The following LRRIQ3 variants were observed in gnomAD, a reference collection of about 807,000 sequenced individuals.
LRRIQ3 encodes the protein leucine rich repeats and IQ motif containing 3, also known as leucine-rich repeat and IQ domain-containing protein 3.
In LRRIQ3, 75 loss-of-function variants were observed where a neutral mutation model predicts 59.3. The ratio of observed to expected loss-of-function variants is 1.26; its 90% CI spans 1.05 to 1.53. The LOEUF is 1.53. Ranked by LOEUF, LRRIQ3 falls within the 40% of genes most tolerant of loss-of-function variation. The pLI is 0.00. For missense variants in LRRIQ3, 831 were observed against 710.0 expected, an observed-to-expected ratio of 1.17 and a Z score of -1.94; for synonymous variants, 250 against 231.3, an observed-to-expected ratio of 1.08 and a Z score of -0.73.
intron 6 of LRRIQ3, among the ~76,000 whole-genome samples, chr1:74,063,517 A>G (rs1191057488): frequency 6.6e-6 from 1 of 151,640 alleles, no homozygotes; most frequent in African/African-American, 2.4e-5. Context: ...TGCATTGTCT[A>G]TTTCTCTCTT....
chr1:74,033,117 G>A (rs936583349), intron 7 of LRRIQ3, among the ~76,000 whole-genome samples: 4 of 151,952 alleles, frequency 2.6e-5, no homozygotes, highest in African/African-American at 9.7e-5. Context: ...GTAGGTAACA[G>A]GAGAAAGAGC....
intron 5 of LRRIQ3, chr1:74,082,260 T>A (rs573719379): frequency 6.6e-6 from 1 of 151,714 alleles, no homozygotes; most frequent in African/African-American, 2.4e-5. Flanking sequence ...ATAGGCTAAA[T>A]TCTTAAGCTC....
chr1:74,169,321 C>T (rs561397778), intron 3 of LRRIQ3, among the ~76,000 whole-genome samples: 2 of 152,080 alleles, frequency 1.3e-5, no homozygotes, highest in South Asian at 4.2e-4. Flanking sequence ...TTCATCTCTC[C>T]GTGAACGTGC....
At position 74,119,366 on chromosome 1, in the gene LRRIQ3, T is replaced by A. The variant is rs1368325508; in HGVS notation, c.708-9813A>T. ...TTCTTCTGTAAGTTGTCTATTCACATCCTTTGTCCATTTTTTTCTGACTCA... is the reference window on the plus strand; with the variant it reads ...TTCTTCTGTAAGTTGTCTATTCACAACCTTTGTCCATTTTTTTCTGACTCA... On this transcript the variant is annotated intron_variant, in intron 4 of 7. Coordinates refer to ENST00000354431, the MANE Select transcript of LRRIQ3 (RefSeq NM_001105659.2). Among the ~76,000 whole-genome samples the A allele has an allele frequency of 2.0e-5, 3 of 152,098 alleles. No homozygotes were observed. The East Asian group carries it at 5.8e-4, about 29-fold the overall frequency.
At chr1:74,086,142 G>A (rs570596339) in intron 5 of LRRIQ3, among the ~76,000 whole-genome samples, 3 of 152,176 alleles carry the variant, frequency 2.0e-5, no homozygotes, top group South Asian at 2.1e-4. Context: ...AACATATAAT[G>A]CTGGTAGTTA....
chr1:74,068,487 G>A (rs1654929044), intron 6 of LRRIQ3, among the ~76,000 whole-genome samples: 1 of 152,018 alleles, frequency 6.6e-6, no homozygotes, highest in South Asian at 2.1e-4. Context: ...ATGGGAAGCT[G>A]GGCAATGCAG....
chr1:74,071,752 T>C (rs1404865914), intron 6 of LRRIQ3, among the ~76,000 whole-genome samples: 1 of 152,172 alleles, frequency 6.6e-6, no homozygotes, highest in Admixed American at 6.6e-5. Flanking sequence ...GACTGGAGCA[T>C]GTTCAAGACT....
rs554203217 is a variant in LRRIQ3 at position 74,176,971 on chromosome 1, C to T, written c.573+5567G>A. 3.9e-5 allele frequency among the ~76,000 whole-genome samples: 6 copies of T among 152,192 alleles called. No homozygotes were observed. In the East Asian group the frequency reaches 7.7e-4, roughly 20 times the overall value. ...CCCCACCCAGACTTTGCTGCATGGG[C>T]GAATGTGAGACCACAGATTTTTCTG... On this transcript the variant is annotated intron_variant, in intron 3 of 7. Coordinates refer to ENST00000354431, the MANE Select transcript of LRRIQ3 (RefSeq NM_001105659.2).
intron 4 of LRRIQ3, among the ~76,000 whole-genome samples, chr1:74,131,266 ACAG>A (rs1647014322): frequency 6.6e-6 from 1 of 152,176 alleles, no homozygotes; most frequent in Non-Finnish European, 1.5e-5. Context: ...CCAGGACCAG[ACAG>A]ATTCACAGCC....
At chr1:74,121,256 T>C (rs149583468) in intron 4 of LRRIQ3, among the ~76,000 whole-genome samples, 164 of 152,312 alleles carry the variant, frequency 1.1e-3, no homozygotes, top group African/African-American at 3.8e-3. Context: ...TTGTATTTGC[T>C]AGATATCATT....
chr1:74,083,010 TTA>T (rs1458612641), intron 5 of LRRIQ3: 12 of 151,830 alleles, frequency 7.9e-5, no homozygotes, highest in African/African-American at 2.9e-4. Flanking sequence ...TGAAGTATAG[TTA>T]TGTTTCTTCT....
chr1:74,100,613 C>G (rs925631825), intron 5 of LRRIQ3, among the ~76,000 whole-genome samples: 1 of 152,186 alleles, frequency 6.6e-6, no homozygotes, highest in Admixed American at 6.5e-5. Flanking sequence ...AATCCTAAGC[C>G]AAAAGAACAA....
At chr1:74,135,091 G>T (rs749539822) in intron 4 of LRRIQ3, among the ~76,000 whole-genome samples, 3 of 151,866 alleles carry the variant, frequency 2.0e-5, no homozygotes, top group African/African-American at 7.2e-5. Flanking sequence ...ACTATAAGAA[G>T]CTGGAGTGGG....
chr1:74,060,118 C>G (rs896511675), intron 6 of LRRIQ3, among the ~76,000 whole-genome samples: 1 of 151,708 alleles, frequency 6.6e-6, no homozygotes, highest in Non-Finnish European at 1.5e-5. Context: ...GTGGTAATGT[C>G]CCCTGTTTCA....
At chr1:74,071,216 A>G (rs554150929) in intron 6 of LRRIQ3, among the ~76,000 whole-genome samples, 92 of 152,126 alleles carry the variant, frequency 6.0e-4, no homozygotes, top group African/African-American at 2.0e-3. Context: ...TGTGTCACTC[A>G]GGCTAAAGTG....
intron 5 of LRRIQ3, among the ~76,000 whole-genome samples, chr1:74,079,943 A>C (rs568209410): frequency 6.6e-6 from 1 of 151,796 alleles, no homozygotes; most frequent in South Asian, 2.1e-4. Flanking sequence ...TGTTACTCCA[A>C]AGCTTCTCAC....
chr1:74,032,824 G>A (rs1653758064), intron 7 of LRRIQ3, among the ~76,000 whole-genome samples: 1 of 151,900 alleles, frequency 6.6e-6, no homozygotes, highest in Non-Finnish European at 1.5e-5. Context: ...TAACACAGCA[G>A]CCTTACATTA....
intron 6 of LRRIQ3, among the ~76,000 whole-genome samples, chr1:74,061,170 A>G (rs936454238): frequency 6.6e-6 from 1 of 152,156 alleles, no homozygotes; most frequent in African/African-American, 2.4e-5. Context: ...CAAGAGTCCA[A>G]TTCCATTCAC....
chr1:74,179,064 G>C (rs1167390113), intron 3 of LRRIQ3, among the ~76,000 whole-genome samples: 1 of 152,066 alleles, frequency 6.6e-6, no homozygotes, highest in African/African-American at 2.4e-5. Context: ...TCCTTGTTTA[G>C]ATGGATTTCT....
Sources: gnomAD v4.1 joint callset for allele counts (sites outside exome capture counted in the v4.1 genomes callset) on GRCh38, gnomAD v4.1.1 for gene constraint, MANE v1.5 for transcripts, NCBI Gene and HGNC (gene_info 2026-07-23, HGNC 2026-07-21) for gene names.